The following ANKRD27 variants were observed in gnomAD, a reference collection of about 807,000 sequenced individuals.
ANKRD27 encodes the protein ankyrin repeat domain-containing protein 27.
A neutral mutation model predicts 129.7 loss-of-function variants in ANKRD27; 112 were observed. The ratio of observed to expected loss-of-function variants is 0.86; its 90% confidence interval spans 0.74 to 1.01. The LOEUF (loss-of-function observed/expected upper bound fraction) is 1.01, where lower values mean the gene tolerates loss of function less well. Among genes scored for constraint, ANKRD27 ranks in the 50% least tolerant of loss-of-function variants. The probability of loss-of-function intolerance (pLI) is 0.00; values close to 1 mark genes in which losing one functional copy is unlikely to be tolerated. For synonymous variants in ANKRD27, 516 were observed against 511.2 expected, an observed-to-expected ratio of 1.01 and a Z score of -0.13; for missense variants, 1,258 against 1,300.5, an observed-to-expected ratio of 0.97 and a Z score of 0.50.
At chr19:32,628,943 T>TG in intron 13 of ANKRD27, 94 bp from the exon 14 acceptor site, 2 of 1,421,238 alleles carry the variant, frequency 1.4e-6, no homozygotes, top group East Asian at 2.5e-5. Flanking sequence ...TTTTTTGAGA[T>TG]GGAGTCTCGT....
At chr19:32,628,922 T>C in intron 13 of ANKRD27, 73 bp from the exon 14 acceptor site, 1 of 1,574,746 alleles carries the variant, frequency 6.4e-7, no homozygotes, top group Non-Finnish European at 8.7e-7. Flanking sequence ...TTTTTGAGAG[T>C]CCTTTTTGGT....
intron 2 of ANKRD27, 42 bp downstream of exon 2, chr19:32,658,872 C>A (rs1036396226): frequency 9.4e-6 from 14 of 1,485,080 alleles, no homozygotes; most frequent in Non-Finnish European, 1.1e-5. Context: ...GTCTCTGGAA[C>A]CATTCATGCC....
At chr19:32,622,336 C>CAATT (rs1310463829) in intron 18 of ANKRD27, 86 bp downstream of exon 18, 1 of 1,451,172 alleles carries the variant, frequency 6.9e-7, no homozygotes, top group Non-Finnish European at 9.6e-7. Context: ...CAATAATGCA[C>CAATT]AATTTGTCTA....
chr19:32,648,798 CAA>C (rs34589766), intron 3 of ANKRD27, among the ~76,000 whole-genome samples: 14 of 100,100 alleles, frequency 1.4e-4, no homozygotes, highest in East Asian at 2.4e-4. Context: ...GATTCCATCT[CAA>C]AAAAAAAAAA....
intron 5 of ANKRD27, chr19:32,643,862 C>T: frequency 1.8e-6 from 1 of 555,806 alleles, no homozygotes; most frequent in South Asian, 2.2e-5. Flanking sequence ...TTCCCCATGA[C>T]TTTACCACTT....
intron 26 of ANKRD27, among the ~76,000 whole-genome samples, chr19:32,600,815 G>T (rs1342106695): frequency 6.6e-6 from 1 of 151,868 alleles, no homozygotes; most frequent in Non-Finnish European, 1.5e-5. Context: ...ATGTGAATGG[G>T]TTTATCCATA....
rs370967770 is a variant in ANKRD27, at chr19:32,604,865, C to T, written c.2494-441G>A. Among the ~76,000 whole-genome samples the T allele has an allele frequency of 5.9e-5, 9 of 152,058 alleles. No homozygotes were observed. The East Asian group carries it at 1.4e-3, about 23-fold the overall frequency. On this transcript the variant is annotated intron_variant, in intron 24 of 28. Transcript: ENST00000306065. ...CTGAGGTCAGGAGTTCAAGACCAGCCTGGCCAACATAGTGAAATCCCATCT... is the reference window on the plus strand; with the variant it reads ...CTGAGGTCAGGAGTTCAAGACCAGCTTGGCCAACATAGTGAAATCCCATCT...
chr19:32,609,098 C>T (rs2145263318), intron 22 of ANKRD27, among the ~76,000 whole-genome samples: 1 of 98,994 alleles, frequency 1.0e-5, no homozygotes, highest in Non-Finnish European at 2.0e-5. Flanking sequence ...CAGAGCGAGA[C>T]TCCATCTCCA....
chr19:32,664,659 TAAA>T (rs1555748670), intron 1 of ANKRD27, among the ~76,000 whole-genome samples: 3 of 136,402 alleles, frequency 2.2e-5, no homozygotes, highest in Non-Finnish European at 4.6e-5. Context: ...ATAATAATAA[TAAA>T]AAGTTCTTCA....
chr19:32,628,133 A>G lies in ANKRD27; in HGVS notation c.1370T>C (p.Phe457Ser). Residue 457 changes from phenylalanine to serine, a missense_variant, in exon 15 of 29, where the codon TTC becomes TCC. Physicochemically the swap from Phe to Ser is radical, Grantham distance 155. Coordinates refer to ENST00000306065, the MANE Select transcript of ANKRD27 (RefSeq NM_032139.3). ...GGTGTGCCCCCTGTCGTCTCTGGAG[A>G]ATGGAGTGACAACTGAGGGATCATT... ...RLNDPSVVTP[F>S]SRDDRGHTPL... is the part of the protein sequence containing the mutation. 6.2e-7 allele frequency: 1 copy of G among 1,614,204 alleles called. No homozygotes were observed. Among genetic ancestry groups the G allele is most frequent in the South Asian group, 1.1e-5 (1 of 91,092 alleles).
chr19:32,643,326 G>C lies in ANKRD27; in HGVS notation c.666C>G (p.Asn222Lys). 6.2e-7 allele frequency: 1 copy of C among 1,613,938 alleles called. No individual in the cohort carries two copies. Among genetic ancestry groups the C allele is most frequent in the South Asian group, 1.1e-5 (1 of 91,074 alleles). ...VEIYVHHEIY[N>K]LIFKYVGTME... is the part of the protein sequence containing the mutation. ...TGGTCCCCACGTATTTAAAGATCAGGTTGTAAATTTCATGATGGACGTATA... is the reference window on the plus strand; with the variant it reads ...TGGTCCCCACGTATTTAAAGATCAGCTTGTAAATTTCATGATGGACGTATA... Residue 222 changes from asparagine (N) to lysine (K), a missense_variant, in exon 8 of 29, where the codon AAC (asparagine) becomes AAG (lysine). Asn to Lys is a moderately conservative substitution (Grantham distance 94, BLOSUM62 0). Transcript: ENST00000306065.
chr19:32,617,743 G>T (rs1049310144), intron 20 of ANKRD27, 110 bp from the exon 21 acceptor site: 2 of 474,702 alleles, frequency 4.2e-6, no homozygotes, highest in Admixed American at 3.6e-5. Context: ...GACTTTTAAC[G>T]TCTGATTTAG....
intron 4 of ANKRD27, among the ~76,000 whole-genome samples, chr19:32,645,220 T>C (rs554166735): frequency 2.0e-5 from 3 of 152,210 alleles, no homozygotes; most frequent in East Asian, 3.9e-4. Context: ...AAGACCATCC[T>C]GGCCAACATG....
rs35109898 is a variant in ANKRD27 at position 32,625,943 on chromosome 19, G to A, written c.1560C>T (p.Ala520=). The A allele has an allele frequency of 2.3e-4, 363 of 1,611,002 alleles. 1 individual carries two copies. In the African/African-American group the frequency reaches 4.5e-3, roughly 20 times the overall value. ...CATTGTTGTCCTGCACTTCCGCGCTGGCCTTGTAGTGCAGCAGCAGCAGCT... is the reference window on the plus strand; with the variant it reads ...CATTGTTGTCCTGCACTTCCGCGCTAGCCTTGTAGTGCAGCAGCAGCAGCT... ...SVTLLLLHYK[A]SAEVQDNNGN... The change falls in exon 17 of 29, where the codon GCC becomes GCT. Residue 520 remains alanine (A), a synonymous_variant. Coordinates refer to ENST00000306065, the MANE Select transcript of ANKRD27 (RefSeq NM_032139.3).
At chr19:32,673,394 A>C in intron 1 of ANKRD27, 6 of 985,290 alleles carry the variant, frequency 6.1e-6, no homozygotes, top group Non-Finnish European at 7.2e-6. Flanking sequence ...ACGCCTGTCC[A>C]CCAGCAACAC....
In ANKRD27 at chr19:32,604,735, T is replaced by C. The variant is rs150628944; in HGVS notation, c.2494-311A>G. Among the ~76,000 whole-genome samples, 71 of 152,144 alleles carry C rather than the reference T, an allele frequency of 4.7e-4. 1 individual carries two copies. In the East Asian group the frequency reaches 0.014, roughly 29 times the overall value. On this transcript the variant is annotated intron_variant, in intron 24 of 28. Transcript: ENST00000306065. ...AAAAATCAAAGTTTGAGTAAATAAGTTTCTACATTAAATAACATTAAGACA... is the reference window on the plus strand; with the variant it reads ...AAAAATCAAAGTTTGAGTAAATAAGCTTCTACATTAAATAACATTAAGACA...
chr19:32,601,639 A>G (rs1026740356), intron 26 of ANKRD27, among the ~76,000 whole-genome samples: 6 of 150,354 alleles, frequency 4.0e-5, no homozygotes, highest in Non-Finnish European at 8.9e-5. Flanking sequence ...AAAAATCTTG[A>G]AAGGTAGCAT....
Position 32,628,809 on chromosome 19 carries a change from A to G in ANKRD27, c.1250T>C (p.Leu417Pro), listed in dbSNP as rs754515809. ...ATCTTTATCATGGTCCTCTTGGCTC[A>G]GAAGTCTCTCCACTTCTTTCTGGTT... The part of the protein sequence containing the change: ...SGNQKEVERL[L>P]SQEDHDKDTV... Residue 417 changes from leucine to proline, a missense_variant, in exon 14 of 29, where the codon CTG becomes CCG. Coordinates refer to ENST00000306065, the MANE Select transcript of ANKRD27 (RefSeq NM_032139.3). 6.2e-6 allele frequency: 10 copies of G among 1,614,206 alleles called. No homozygotes were observed. The highest frequency in any genetic ancestry group is 5.0e-5 in the Admixed American group (3 of 60,008).
At position 32,666,639 on chromosome 19, in the gene ANKRD27, C is replaced by CTTTTT. The variant is rs1421941665; in HGVS notation, c.-30-7595_-30-7594insAAAAA. Among the ~76,000 whole-genome samples, 17 of 112,016 alleles carry CTTTTT rather than the reference C, an allele frequency of 1.5e-4. 3 individuals carry two copies. The highest frequency in any genetic ancestry group is 1.6e-4 in the Non-Finnish European group (9 of 56,754). 73.5% of individuals were successfully genotyped at this position (112,016 alleles called of 152,430 possible). ...GGGCACAGAAAAGGAAATCAGATTT[C>CTTTTT]TATTTTTTTTTTTTTTTTTTTTTGA... On this transcript the variant is annotated intron_variant, in intron 1 of 28. Coordinates refer to ENST00000306065, the MANE Select transcript of ANKRD27 (RefSeq NM_032139.3).
Sources: allele counts gnomAD v4.1 joint callset (sites outside exome capture counted in the v4.1 genomes callset), GRCh38; gene constraint gnomAD v4.1.1; transcripts MANE v1.5; gene names NCBI Gene and HGNC (gene_info 2026-07-23, HGNC 2026-07-21).